The following PCNX1 variants were observed in gnomAD, a reference collection of about 807,000 sequenced individuals.
The protein encoded by PCNX1 is pecanex-like protein 1.
In PCNX1, 78 loss-of-function variants were observed where a neutral mutation model predicts 242.2. That is an observed-to-expected ratio of 0.32 (90% confidence interval 0.27 to 0.39). The LOEUF (loss-of-function observed/expected upper bound fraction) is 0.39, where lower values mean the gene tolerates loss of function less well. Among genes scored for constraint, PCNX1 ranks in the 10% least tolerant of loss-of-function variants. The pLI is 1.00. For synonymous variants in PCNX1, 1,024 were observed against 1,032.9 expected (o/e 0.99, Z 0.17); for missense variants, 2,581 against 2,856.5 (o/e 0.90, Z 2.20).
At chr14:71,058,181 G>T (rs1595395285) in intron 26 of PCNX1, among the ~76,000 whole-genome samples, 1 of 152,048 alleles carries the variant, frequency 6.6e-6, no homozygotes, top group Non-Finnish European at 1.5e-5. Context: ...AAATAAAATT[G>T]ATATTTAGAG....
At chr14:71,071,793 A>G (rs1473570672) in intron 26 of PCNX1, among the ~76,000 whole-genome samples, 1 of 152,152 alleles carries the variant, frequency 6.6e-6, no homozygotes, top group Admixed American at 6.6e-5. Context: ...AAGCTTCCTT[A>G]TTTCTAGCAT....
chr14:71,097,999 A>G (rs2062342338), intron 30 of PCNX1, among the ~76,000 whole-genome samples: 3 of 152,222 alleles, frequency 2.0e-5, no homozygotes, highest in South Asian at 4.1e-4. Flanking sequence ...ATTCTTCTGC[A>G]TATGGCTAGC....
At chr14:71,011,415 G>T in intron 9 of PCNX1, 77 bp from the exon 10 acceptor site, 2 of 813,210 alleles carry the variant, frequency 2.5e-6, no homozygotes. Context: ...GAAGATATGT[G>T]AATCTCATCT....
At chr14:71,041,795 A>G (rs988408771) in intron 19 of PCNX1, among the ~76,000 whole-genome samples, 1 of 114,122 alleles carries the variant, frequency 8.8e-6, no homozygotes, top group Non-Finnish European at 1.7e-5. Context: ...ATACTATACT[A>G]TACTATACTA....
intron 11 of PCNX1, among the ~76,000 whole-genome samples, chr14:71,015,484 T>G (rs144847388): frequency 1.4e-3 from 209 of 152,248 alleles, no homozygotes; most frequent in African/African-American, 4.8e-3. Flanking sequence ...ATATCATCAC[T>G]TTGAAGGTAG....
At chr14:71,081,224 T>C (rs912724425) in intron 28 of PCNX1, among the ~76,000 whole-genome samples, 1 of 152,204 alleles carries the variant, frequency 6.6e-6, no homozygotes, top group Non-Finnish European at 1.5e-5. Context: ...GAAGCCAACT[T>C]GATTATGGTG....
intron 8 of PCNX1, among the ~76,000 whole-genome samples, chr14:71,008,245 T>C (rs1211889382): frequency 6.6e-6 from 1 of 152,176 alleles, no homozygotes; most frequent in Non-Finnish European, 1.5e-5. Context: ...TGGAGTCCTT[T>C]TATTAGCATT....
chr14:70,978,167 A>G lies in PCNX1; in HGVS notation c.1830A>G (p.Arg610=). The stretch of plus-strand genomic sequence containing the variant: ...CTAGTGATCAGAGTGACTTGAGTAG[A>G]GCATCAAGTGTTCAGTCTGCTCACC... ...EDSSDQSDLS[R]ASSVQSAHQF... The change falls in exon 6 of 36, where the codon AGA becomes AGG. Residue 610 remains arginine (R), a synonymous_variant. Transcript: ENST00000304743. The G allele has an allele frequency of 6.2e-7, 1 of 1,614,112 alleles. No homozygotes were observed. The highest frequency in any genetic ancestry group is 8.5e-7 in the Non-Finnish European group (1 of 1,179,996).
intron 26 of PCNX1, among the ~76,000 whole-genome samples, chr14:71,062,351 GTGTT>G (rs1468183888): frequency 1.3e-5 from 2 of 151,732 alleles, no homozygotes; most frequent in Non-Finnish European, 2.9e-5. Flanking sequence ...GCTAGTGTGT[GTGTT>G]TGTGTCTTAG....
chr14:70,948,318 CT>C (rs754008568), intron 2 of PCNX1, among the ~76,000 whole-genome samples: 1 of 152,152 alleles, frequency 6.6e-6, no homozygotes, highest in African/African-American at 2.4e-5. Context: ...GATGTCTCCC[CT>C]GGACAGCCAG....
chr14:71,034,532 C>T lies in PCNX1; in HGVS notation c.3774+496C>T, dbSNP rs368218232. ...ACCTGTATTAATGTACTTAAGTAAA[C>T]GCAGTAATTTTTTAAATTTTCTAAT... On this transcript the variant is annotated intron_variant, in intron 18 of 35. Coordinates refer to ENST00000304743, the MANE Select transcript of PCNX1 (RefSeq NM_014982.3). Among the ~76,000 whole-genome samples the T allele has an allele frequency of 3.7e-3, 562 of 152,116 alleles. 1 individual carries two copies. Among genetic ancestry groups the T allele is most frequent in the African/African-American group, 0.013 (538 of 41,504 alleles).
intron 23 of PCNX1, 35 bp downstream of exon 23, chr14:71,050,795 A>G (rs767604597): frequency 1.3e-6 from 2 of 1,583,938 alleles, no homozygotes; most frequent in Admixed American, 3.5e-5. Context: ...AAGAATGGAC[A>G]GTCATATCCT....
intron 1 of PCNX1, among the ~76,000 whole-genome samples, chr14:70,911,723 T>C (rs1001175596): frequency 4.3e-4 from 66 of 152,232 alleles, no homozygotes; most frequent in Admixed American, 1.6e-3. Context: ...TTCATGGGTG[T>C]TTTTCAAGAA....
intron 6 of PCNX1, among the ~76,000 whole-genome samples, chr14:70,979,157 T>C (rs2058765042): frequency 6.6e-6 from 1 of 152,192 alleles, no homozygotes; most frequent in Admixed American, 6.5e-5. Context: ...TCTGTATCTT[T>C]GGTTTTATTT....
intron 27 of PCNX1, among the ~76,000 whole-genome samples, 190 bp downstream of exon 27, chr14:71,073,988 T>G (rs2061649512): frequency 6.6e-6 from 1 of 152,242 alleles, no homozygotes; most frequent in Admixed American, 6.5e-5. Context: ...TCTCTTTGTT[T>G]ACTGGAATTC....
At chr14:71,010,240 G>A (rs2140529573) in intron 9 of PCNX1, among the ~76,000 whole-genome samples, 1 of 152,148 alleles carries the variant, frequency 6.6e-6, no homozygotes, top group Admixed American at 6.5e-5. Flanking sequence ...TTTTCCCACA[G>A]TGTCAAATTT....
chr14:70,969,394 C>G (rs1015701772), intron 5 of PCNX1: 4 of 286,290 alleles, frequency 1.4e-5, no homozygotes, highest in African/African-American at 6.6e-5. Flanking sequence ...ATCTGCTATT[C>G]TTTTAGTTGG....
At chr14:70,997,853 T>A (rs1229958660) in intron 8 of PCNX1, among the ~76,000 whole-genome samples, 1 of 152,228 alleles carries the variant, frequency 6.6e-6, no homozygotes, top group Non-Finnish European at 1.5e-5. Context: ...TTGATTTTAA[T>A]TAGCAGTGAA....
At position 71,060,486 on chromosome 14, in the gene PCNX1, A is replaced by G. The variant is rs2061300085; in HGVS notation, c.4852+2762A>G. On this transcript the variant is annotated intron_variant, in intron 26 of 35. Coordinates refer to ENST00000304743, the MANE Select transcript of PCNX1 (RefSeq NM_014982.3). ...GATTGCATCATTTTCTCTGTGTTTGATTTGATCTTGTGTCATTCGATTTTA... is the reference window on the plus strand; with the variant it reads ...GATTGCATCATTTTCTCTGTGTTTGGTTTGATCTTGTGTCATTCGATTTTA... Among the ~76,000 whole-genome samples, 3 of 152,156 alleles carry G rather than the reference A, an allele frequency of 2.0e-5. No homozygotes were observed. The South Asian group carries it at 6.2e-4, about 31-fold the overall frequency.
Sources: allele counts gnomAD v4.1 joint callset (sites outside exome capture counted in the v4.1 genomes callset), GRCh38; gene constraint gnomAD v4.1.1; transcripts MANE v1.5; gene names NCBI Gene and HGNC (gene_info 2026-07-23, HGNC 2026-07-21).